COL27A1: variants seen among roughly 807,000 people sequenced by gnomAD.
The protein encoded by COL27A1 is collagen type XXVII alpha 1 chain.
In COL27A1, 106 loss-of-function variants were observed where a neutral mutation model predicts 251.3. The ratio of observed to expected loss-of-function variants is 0.42; its 90% confidence interval spans 0.36 to 0.50. The LOEUF (loss-of-function observed/expected upper bound fraction) is 0.50. Ranked by LOEUF, COL27A1 falls within the 20% of genes least tolerant of loss-of-function variation. The pLI, the probability that COL27A1 is intolerant of heterozygous loss-of-function variation, is 0.00. For synonymous variants in COL27A1, 1,000 were observed against 986.3 expected, an observed-to-expected ratio of 1.01 and a Z score of -0.26; for missense variants, 2,325 against 2,522.8, an observed-to-expected ratio of 0.92 and a Z score of 1.68.
intron 16 of COL27A1, among the ~76,000 whole-genome samples, chr9:114,232,986 G>A (rs979292824): frequency 3.3e-5 from 5 of 152,180 alleles, no homozygotes; most frequent in Admixed American, 6.5e-5. Context: ...CAGGAGAATC[G>A]CTTGAACCTG....
At chr9:114,239,085 G>GGGAAGCTGATAAGCGC (rs527624849) in intron 19 of COL27A1, among the ~76,000 whole-genome samples, 2 of 152,208 alleles carry the variant, frequency 1.3e-5, no homozygotes, top group Non-Finnish European at 2.9e-5. Context: ...CAGCTGAAGG[G>GGGAAGCTGATAAGCGC]GGAAGCTGAT....
At chr9:114,252,823 A>T in intron 26 of COL27A1, 56 bp from the exon 27 acceptor site, 1 of 1,563,272 alleles carries the variant, frequency 6.4e-7, no homozygotes, top group Non-Finnish European at 8.8e-7. Flanking sequence ...CCGAGGTGGG[A>T]CTGAAGGAGG....
At chr9:114,186,680 G>A (rs1412756082) in intron 5 of COL27A1, among the ~76,000 whole-genome samples, 1 of 152,218 alleles carries the variant, frequency 6.6e-6, no homozygotes, top group Non-Finnish European at 1.5e-5. Context: ...TTTGCGGTAT[G>A]ATTTTCGGAC....
chr9:114,269,177 A>C lies in COL27A1; in HGVS notation c.3502-64A>C, dbSNP rs1834950693. The C allele has an allele frequency of 4.4e-5, 50 of 1,130,962 alleles. No homozygotes were observed. The South Asian group carries it at 7.7e-4, about 17-fold the overall frequency. 70.1% of individuals were successfully genotyped at this position (1,130,962 alleles called of 1,614,324 possible). ...AAAGTCAGAGCTGGTGGAAACAGGA[A>C]GGGGTGTCGAGAGCTGGGGCTGGCC... On this transcript the variant is annotated intron_variant, in intron 34 of 60. Transcript: ENST00000356083.
chr9:114,288,332 T>G, intron 41 of COL27A1, 123 bp from the exon 42 acceptor site: 1 of 989,860 alleles, frequency 1.0e-6, no homozygotes, highest in East Asian at 2.6e-5. Flanking sequence ...CTCTCTAGTT[T>G]GTGTCCCCAT....
intron 1 of COL27A1, among the ~76,000 whole-genome samples, chr9:114,156,723 G>T (rs1203315652): frequency 6.6e-6 from 1 of 152,186 alleles, no homozygotes; most frequent in Non-Finnish European, 1.5e-5. Context: ...CCGGAGAGGG[G>T]CAGGGACTCT....
At chr9:114,191,424 C>G (rs1011301074) in intron 5 of COL27A1, among the ~76,000 whole-genome samples, 1 of 152,154 alleles carries the variant, frequency 6.6e-6, no homozygotes, top group Non-Finnish European at 1.5e-5. Flanking sequence ...TACCCCTACT[C>G]CCCTGCCACC....
At chr9:114,176,195 T>C (rs60380095) in intron 3 of COL27A1, among the ~76,000 whole-genome samples, 3,389 of 152,240 alleles carry the variant, frequency 0.022, 92 homozygotes, top group East Asian at 0.13. Flanking sequence ...ATACCTACAG[T>C]ATGCTTCGTC....
intron 48 of COL27A1, among the ~76,000 whole-genome samples, chr9:114,291,216 A>G (rs1191721349): frequency 6.6e-6 from 1 of 152,164 alleles, no homozygotes; most frequent in African/African-American, 2.4e-5. Context: ...CGTTGCTTGC[A>G]GCCGGGATCC....
chr9:114,300,915 G>A (rs1313737761), intron 51 of COL27A1, among the ~76,000 whole-genome samples, 157 bp from the exon 52 acceptor site: 1 of 152,106 alleles, frequency 6.6e-6, no homozygotes, highest in Non-Finnish European at 1.5e-5. Context: ...CCACCCCTAG[G>A]CACAAATGAG....
At chr9:114,208,778 G>A (rs558151113) in intron 10 of COL27A1, among the ~76,000 whole-genome samples, 4 of 152,170 alleles carry the variant, frequency 2.6e-5, no homozygotes, top group South Asian at 2.1e-4. Context: ...CTGGGGATGG[G>A]GGGGAGAGAT....
At chr9:114,266,365 C>T (rs565621910) in intron 32 of COL27A1, among the ~76,000 whole-genome samples, 200 bp from the exon 33 acceptor site, 8 of 152,192 alleles carry the variant, frequency 5.3e-5, no homozygotes, top group Admixed American at 5.2e-4. Context: ...GAGTGTGCAG[C>T]TGTGTTGGAG....
intron 7 of COL27A1, among the ~76,000 whole-genome samples, chr9:114,200,606 G>A (rs781168119): frequency 6.6e-6 from 1 of 152,228 alleles, no homozygotes; most frequent in Non-Finnish European, 1.5e-5. Flanking sequence ...ACCTGGCTGT[G>A]CCATGATGGA....
chr9:114,306,544 G>A lies in COL27A1; in HGVS notation c.4963G>A (p.Val1655Met), dbSNP rs151027695. Reference sequence around the variant, plus strand: ...GAGTTACAGCTATCCAGACCGGCTGGTGCTGGACCAGGGAGGAGAGATCTT... The same window carrying A: ...GAGTTACAGCTATCCAGACCGGCTGATGCTGGACCAGGGAGGAGAGATCTT... ...PESYSYPDRL[V>M]LDQGGEIFKT... The change falls in exon 58 of 61, where the codon GTG becomes ATG. Residue 1655 changes from valine (V) to methionine (M), a missense_variant. Transcript: ENST00000356083. 6.2e-7 allele frequency: 1 copy of A among 1,614,042 alleles called. No homozygotes were observed. Among genetic ancestry groups the A allele is most frequent in the Non-Finnish European group, 8.5e-7 (1 of 1,180,020 alleles).
At chr9:114,249,221 T>C (rs1181170313) in intron 24 of COL27A1, among the ~76,000 whole-genome samples, 2 of 152,230 alleles carry the variant, frequency 1.3e-5, no homozygotes, top group East Asian at 3.8e-4. Flanking sequence ...GTTATAATAT[T>C]GCTATCACTT....
chr9:114,260,255 C>T (rs1235884617), intron 28 of COL27A1, among the ~76,000 whole-genome samples: 3 of 152,352 alleles, frequency 2.0e-5, no homozygotes, highest in Non-Finnish European at 2.9e-5. Context: ...CTTCCAACCT[C>T]GTCAGTGTCT....
At chr9:114,252,492 T>C in intron 25 of COL27A1, 101 bp from the exon 26 acceptor site, 2 of 972,730 alleles carry the variant, frequency 2.1e-6, no homozygotes, top group South Asian at 2.6e-5. Flanking sequence ...AGCAAACCCC[T>C]ACCTCTCTTT....
chr9:114,160,155 ATTTTT>A (rs3034121), intron 1 of COL27A1, among the ~76,000 whole-genome samples: 7 of 142,386 alleles, frequency 4.9e-5, no homozygotes, highest in East Asian at 2.1e-4. Context: ...TTTAAAGTCT[ATTTTT>A]TTTTTTTTTT....
chr9:114,285,532 G>T (rs575142759), intron 41 of COL27A1, among the ~76,000 whole-genome samples: 1 of 152,182 alleles, frequency 6.6e-6, no homozygotes, highest in Admixed American at 6.5e-5. Flanking sequence ...CGCTTCGCTT[G>T]CCCCCTGCCT....
Sources: gnomAD v4.1 joint callset for allele counts (sites outside exome capture counted in the v4.1 genomes callset) on GRCh38, gnomAD v4.1.1 for gene constraint, MANE v1.5 for transcripts, NCBI Gene and HGNC (gene_info 2026-07-23, HGNC 2026-07-21) for gene names.